Variants in DGKH observed in about 807,000 individuals in gnomAD.
DGKH encodes the protein DAG kinase eta.
Under a neutral mutation model 159.3 loss-of-function variants are expected in DGKH, and 90 were observed. The ratio of observed to expected loss-of-function variants is 0.57; its 90% CI spans 0.48 to 0.67. The LOEUF is 0.67. DGKH is among the 30% of genes least tolerant of loss of function. The pLI is 0.00. For missense variants in DGKH, 1,181 were observed against 1,506.1 expected, an observed-to-expected ratio of 0.78 and a Z score of 3.57; for synonymous variants, 536 against 553.8, an observed-to-expected ratio of 0.97 and a Z score of 0.45.
intron 3 of DGKH, among the ~76,000 whole-genome samples, chr13:42,142,982 A>T (rs2137895318): frequency 6.6e-6 from 1 of 152,310 alleles, no homozygotes; most frequent in Non-Finnish European, 1.5e-5. Flanking sequence ...GCCAGTTTTC[A>T]AAGGGAATGC....
intron 16 of DGKH, among the ~76,000 whole-genome samples, chr13:42,193,750 C>A (rs1957140879): frequency 6.6e-6 from 1 of 152,046 alleles, no homozygotes; most frequent in South Asian, 2.1e-4. Context: ...TACTTTAGTG[C>A]AATGGGACTG....
intron 1 of DGKH, among the ~76,000 whole-genome samples, chr13:42,109,570 C>T (rs1474050890): frequency 6.6e-6 from 1 of 152,096 alleles, no homozygotes; most frequent in African/African-American, 2.4e-5. Flanking sequence ...AAATGGAAGA[C>T]AGGATGGATC....
intron 1 of DGKH, among the ~76,000 whole-genome samples, chr13:42,113,162 C>A (rs672400): frequency 0.24 from 35,877 of 151,962 alleles, 4,817 homozygotes; most frequent in African/African-American, 0.36. Context: ...GATTTTGACA[C>A]CAGATTTTTA....
intron 1 of DGKH, among the ~76,000 whole-genome samples, chr13:42,120,971 C>T (rs778902331): frequency 6.6e-6 from 1 of 151,978 alleles, no homozygotes; most frequent in South Asian, 2.1e-4. Flanking sequence ...CAGACCCCAA[C>T]CCACAACTAG....
At chr13:42,243,867 G>A (rs1353182655), downstream of DGKH, among the ~76,000 whole-genome samples, 1 of 152,212 alleles carries the variant, frequency 6.6e-6, no homozygotes, top group Non-Finnish European at 1.5e-5. Context: ...CGTGACTTCT[G>A]TTGGTGGGAT....
At chr13:42,095,605 A>G (rs1315850598) in intron 1 of DGKH, among the ~76,000 whole-genome samples, 4 of 152,164 alleles carry the variant, frequency 2.6e-5, no homozygotes, top group Admixed American at 2.0e-4. Context: ...ATTTTCTTCT[A>G]TATTCCCTCT....
intron 1 of DGKH, among the ~76,000 whole-genome samples, chr13:42,108,901 G>A (rs148437212): frequency 2.1e-4 from 32 of 152,232 alleles, no homozygotes; most frequent in African/African-American, 6.3e-4. Context: ...TTTTTAAAGC[G>A]GTTTTGTCAT....
intron 1 of DGKH, among the ~76,000 whole-genome samples, chr13:42,040,967 C>T (rs2137618864): frequency 6.6e-6 from 1 of 151,394 alleles, no homozygotes; most frequent in Non-Finnish European, 1.5e-5. Context: ...CGCGCCCACC[C>T]CCTCCCGCTT....
intron 3 of DGKH, among the ~76,000 whole-genome samples, chr13:42,151,652 T>A (rs1955907821): frequency 6.7e-6 from 1 of 148,450 alleles, no homozygotes; most frequent in African/African-American, 2.5e-5. Context: ...AAGAATAAAA[T>A]ATATATATAT....
intron 21 of DGKH, among the ~76,000 whole-genome samples, chr13:42,207,046 TTTCCTTCTTTCC>T (rs1370757669): frequency 2.6e-5 from 3 of 116,584 alleles, no homozygotes; most frequent in Non-Finnish European, 5.3e-5. Context: ...TCTTTCCTTC[TTTCCTTCTTTCC>T]TTCCTTCTTT....
Position 42,256,029 on chromosome 13 carries a change from G to T in DGKH, n.4128-255G>T. On this transcript the variant is annotated intron_variant and non_coding_transcript_variant, in intron 30 of 30. Transcript: ENST00000498255. ...CTGATGACGATAGCAAATAATATTC[G>T]TTTTCTGGGTTCTGGCCCTTGGTCA... 7 of 1,517,080 alleles carry T rather than the reference G, an allele frequency of 4.6e-6. No individual in the cohort carries two copies. The South Asian group carries it at 7.9e-5, about 17-fold the overall frequency. The allele number at this position is 1,517,080 out of a possible 1,614,324, so 94.0% of individuals were successfully genotyped here. A position where few individuals can be genotyped will look rare whatever the true frequency, so the allele number is the denominator to read the frequency against.
At position 42,188,887 on chromosome 13, in the gene DGKH, A is replaced by C. The variant is rs965957961; in HGVS notation, c.1639-149A>C. On this transcript the variant is annotated intron_variant, in intron 14 of 29. Coordinates refer to ENST00000337343, the MANE Select transcript of DGKH (RefSeq NM_178009.5). Reference sequence around the variant, plus strand: ...TTAAAATTAGCTGCTTCCAGAACCAAAACATCTACAAAATTAAAGGTGAGA... The same window carrying C: ...TTAAAATTAGCTGCTTCCAGAACCACAACATCTACAAAATTAAAGGTGAGA... 4.6e-6 allele frequency: 4 copies of C among 870,628 alleles called. No homozygotes were observed. In the South Asian group the frequency reaches 8.4e-5, roughly 18 times the overall value. 53.9% of individuals were successfully genotyped at this position (870,628 alleles called of 1,614,324 possible).
At chr13:42,136,902 G>A (rs1424696071) in intron 3 of DGKH, among the ~76,000 whole-genome samples, 3 of 152,244 alleles carry the variant, frequency 2.0e-5, no homozygotes, top group African/African-American at 4.8e-5. Context: ...TTCTTTCTAC[G>A]AGGGTTTAAA....
chr13:42,098,385 G>T (rs951645072), intron 1 of DGKH, among the ~76,000 whole-genome samples: 7 of 152,030 alleles, frequency 4.6e-5, no homozygotes, highest in Non-Finnish European at 1.0e-4. Flanking sequence ...TACTCGGGAG[G>T]CTGAGGCATG....
intron 1 of DGKH, among the ~76,000 whole-genome samples, chr13:42,126,706 T>C (rs1306752158): frequency 6.6e-6 from 1 of 152,154 alleles, no homozygotes; most frequent in Non-Finnish European, 1.5e-5. Context: ...CAAATATCCA[T>C]GTTGTTTTAA....
In DGKH at chr13:42,201,789, T is replaced by C. The variant is rs143465158; in HGVS notation, c.2493+1880T>C. The stretch of plus-strand genomic sequence containing the variant: ...ATGTTGCTAAAGAATAATATATGTG[T>C]TTCATCGTTACCGTATCAAATAAAA... On this transcript the variant is annotated intron_variant, in intron 20 of 29. Transcript: ENST00000337343. Among the ~76,000 whole-genome samples, 132 of 152,300 alleles carry C rather than the reference T, an allele frequency of 8.7e-4. 1 individual carries two copies. The highest frequency in any genetic ancestry group is 6.8e-3 in the Middle Eastern group (2 of 294).
At position 42,251,836 on chromosome 13, in the gene DGKH, C is replaced by G. The variant is rs984673278; in HGVS notation, n.4055-573C>G. On this transcript the variant is annotated intron_variant and non_coding_transcript_variant, in intron 29 of 30. Coordinates refer to the DGKH transcript ENST00000498255. ...TACAGCGTGTTCCCATTACATACCC[C>G]CCACTAAAGCAATTATATTGCATCA... Among the ~76,000 whole-genome samples the G allele has an allele frequency of 3.3e-5, 5 of 152,168 alleles. No individual in the cohort carries two copies. The South Asian group carries it at 1.0e-3, about 32-fold the overall frequency.
chr13:42,070,854 C>A (rs1161303912), intron 1 of DGKH: 4 of 1,305,896 alleles, frequency 3.1e-6, no homozygotes, highest in Non-Finnish European at 4.4e-6. Flanking sequence ...GAATTTCAAA[C>A]ACTTTCACAA....
At chr13:42,212,274 C>A (rs980628666) in intron 24 of DGKH, among the ~76,000 whole-genome samples, 2 of 152,146 alleles carry the variant, frequency 1.3e-5, no homozygotes, top group Non-Finnish European at 2.9e-5. Context: ...GCATACACCC[C>A]CTACTGCTGG....
Sources: allele counts gnomAD v4.1 joint callset (sites outside exome capture counted in the v4.1 genomes callset), GRCh38; gene constraint gnomAD v4.1.1; transcripts MANE v1.5; gene names NCBI Gene and HGNC (gene_info 2026-07-23, HGNC 2026-07-21).